CDK12: variants seen among roughly 807,000 people sequenced by gnomAD.
CDK12 encodes the protein cyclin-dependent kinase 12.
A neutral mutation model predicts 133.8 loss-of-function variants in CDK12; 17 were observed. The observed-to-expected ratio is 0.13, with a 90% CI of 0.09 to 0.19. CDK12 has a LOEUF of 0.19. Ranked by LOEUF, CDK12 falls within the 10% of genes least tolerant of loss-of-function variation. CDK12 has a pLI of 1.00. For missense variants in CDK12, 1,508 were observed against 1,818.7 expected (o/e 0.83, Z 3.11); for synonymous variants, 694 against 683.6 (o/e 1.02, Z -0.24).
At chr17:39,482,624 G>T (rs139789022) in intron 2 of CDK12, among the ~76,000 whole-genome samples, 1 of 25,004 alleles carries the variant, frequency 4.0e-5, no homozygotes, top group East Asian at 2.3e-3. Context: ...TTTTTTTGAG[G>T]CAGAGTGTCT....
intron 2 of CDK12, among the ~76,000 whole-genome samples, chr17:39,472,330 G>A (rs1009525339): frequency 2.0e-5 from 3 of 151,414 alleles, no homozygotes; most frequent in African/African-American, 7.3e-5. Context: ...TAAAAAAATC[G>A]AGTTTTCCCT....
intron 5 of CDK12, among the ~76,000 whole-genome samples, chr17:39,497,425 C>T (rs1186474528): frequency 6.6e-6 from 1 of 151,752 alleles, no homozygotes; most frequent in South Asian, 2.1e-4. Context: ...CACTTTTAAT[C>T]CTGGCTACTG....
intron 8 of CDK12, among the ~76,000 whole-genome samples, chr17:39,512,895 G>A (rs1455746959): frequency 2.6e-5 from 4 of 152,036 alleles, no homozygotes; most frequent in Admixed American, 6.6e-5. Context: ...TGAATTCTTG[G>A]ATTTAAACTT....
intron 2 of CDK12, among the ~76,000 whole-genome samples, chr17:39,476,862 C>T (rs751521747): frequency 1.1e-4 from 17 of 150,376 alleles, no homozygotes; most frequent in Non-Finnish European, 1.6e-4. Flanking sequence ...GCTTGGATTA[C>T]GGGTGCCCAC....
chr17:39,476,007 C>T (rs1382315802), intron 2 of CDK12, among the ~76,000 whole-genome samples: 3 of 151,244 alleles, frequency 2.0e-5, no homozygotes, highest in Non-Finnish European at 1.5e-5. Flanking sequence ...CTATAGGAAC[C>T]TCATTTCAAT....
intron 2 of CDK12, among the ~76,000 whole-genome samples, chr17:39,488,614 A>G (rs1488817672): frequency 6.6e-6 from 1 of 152,178 alleles, no homozygotes; most frequent in African/African-American, 2.4e-5. Context: ...CTTTAGCGAT[A>G]GAGTAGTATT....
chr17:39,484,370 C>T (rs1440856831), intron 2 of CDK12, among the ~76,000 whole-genome samples: 9 of 152,062 alleles, frequency 5.9e-5, no homozygotes, highest in East Asian at 1.9e-4. Context: ...GGTACATCAG[C>T]GCTTCCTGGT....
chr17:39,504,216 A>T (rs6503518), intron 6 of CDK12, among the ~76,000 whole-genome samples: 1 of 152,030 alleles, frequency 6.6e-6, no homozygotes, highest in South Asian at 2.1e-4. Context: ...TCTCTTTTGA[A>T]TATGTCTTTT....
At chr17:39,542,038 C>T (rs566245394) in intron 1 of CDK12, among the ~76,000 whole-genome samples, 4 of 152,038 alleles carry the variant, frequency 2.6e-5, no homozygotes, top group East Asian at 3.9e-4. Context: ...ATGACCCTTT[C>T]CTGAGAGCCC....
chr17:39,552,981 G>A (rs1362341590), intron 2 of CDK12, among the ~76,000 whole-genome samples: 3 of 152,072 alleles, frequency 2.0e-5, no homozygotes, highest in African/African-American at 4.8e-5. Context: ...CGCCTGCCTC[G>A]GCCTCCCAAA....
chr17:39,492,237 C>G (rs1028243884), intron 3 of CDK12, among the ~76,000 whole-genome samples: 2 of 150,492 alleles, frequency 1.3e-5, no homozygotes, highest in African/African-American at 4.9e-5. Context: ...GCTGGGACTA[C>G]AGGCGCCTGC....
chr17:39,461,713 AGTCGGCTCCACAGCCCCGGGCC>A lies in CDK12; in HGVS notation c.-351_-330del. The A allele has an allele frequency of 3.1e-6, 1 of 325,998 alleles. No individual in the cohort carries two copies. Among genetic ancestry groups the A allele is most frequent in the Non-Finnish European group, 5.7e-6 (1 of 174,420 alleles). The allele number at this position is 325,998 out of a possible 1,614,324, so 20.2% of individuals were successfully genotyped here. ...AGTCCTCGCAGGGCCCCAGAGCTGG[AGTCGGCTCCACAGCCCCGGGCC>A]GTCGGCTTCTCACTTCCTGGACCTC... On this transcript the variant is annotated 5_prime_UTR_variant, in exon 1 of 14. Coordinates refer to ENST00000447079, the MANE Select transcript of CDK12 (RefSeq NM_016507.4).
intron 1 of CDK12, among the ~76,000 whole-genome samples, chr17:39,465,761 G>A (rs2145010279): frequency 6.6e-6 from 1 of 152,254 alleles, no homozygotes. Flanking sequence ...AAAGTGCTGG[G>A]ATTACAGGCG....
intron 2 of CDK12, among the ~76,000 whole-genome samples, chr17:39,483,400 G>A (rs1477852147): frequency 6.6e-6 from 1 of 151,918 alleles, no homozygotes; most frequent in East Asian, 1.9e-4. Flanking sequence ...AAGTAGCTTG[G>A]ACTACAGGCA....
intron 3 of CDK12, among the ~76,000 whole-genome samples, chr17:39,559,721 C>T (rs984839843): frequency 1.5e-4 from 23 of 152,028 alleles, no homozygotes; most frequent in Admixed American, 8.5e-4. Flanking sequence ...CTCCCATAGT[C>T]CCAGCTACTT....
intron 5 of CDK12, among the ~76,000 whole-genome samples, chr17:39,498,941 T>G (rs1301465234): frequency 0.021 from 1 of 48 alleles, no homozygotes; most frequent in Non-Finnish European, 0.026. Flanking sequence ...CTTTCTTTCT[T>G]TCTTTCTTTC....
rs1223173657 is a variant in CDK12 at position 39,481,667 on chromosome 17, T to G, written c.1932-8890T>G. 3.5e-4 allele frequency among the ~76,000 whole-genome samples: 5 copies of G among 14,092 alleles called. 1 individual carries two copies. The highest frequency in any genetic ancestry group is 0.014 in the South Asian group (2 of 144). 9.2% of individuals were successfully genotyped at this position (14,092 alleles called of 152,430 possible). A position where few individuals can be genotyped will look rare whatever the true frequency, so the allele number is the denominator to read the frequency against. The stretch of plus-strand genomic sequence containing the variant: ...CTCTCTCTCTCTCTCTCTCTCTCTC[T>G]CTCTCTCTCTCTCTCTCTCTCTCTC... On this transcript the variant is annotated intron_variant, in intron 2 of 13. Transcript: ENST00000447079.
At chr17:39,522,288 T>C (rs763937781) in intron 11 of CDK12, among the ~76,000 whole-genome samples, 11 of 151,906 alleles carry the variant, frequency 7.2e-5, no homozygotes, top group Non-Finnish European at 1.5e-4. Context: ...AGTTTCACCA[T>C]ATTGGTGAGA....
At chr17:39,487,293 T>C (rs573650974) in intron 2 of CDK12, among the ~76,000 whole-genome samples, 3 of 152,342 alleles carry the variant, frequency 2.0e-5, no homozygotes, top group South Asian at 2.1e-4. Context: ...TATGTTCTTA[T>C]ATTTTGAGTA....
Sources: allele counts gnomAD v4.1 joint callset (sites outside exome capture counted in the v4.1 genomes callset), GRCh38; gene constraint gnomAD v4.1.1; transcripts MANE v1.5; gene names NCBI Gene and HGNC (gene_info 2026-07-23, HGNC 2026-07-21).